The following EML6 variants were observed in gnomAD, a reference collection of about 807,000 sequenced individuals.
EML6 encodes echinoderm microtubule-associated protein-like 6.
A neutral mutation model predicts 240.1 loss-of-function variants in EML6; 154 were observed. That is an observed-to-expected ratio of 0.64 (90% CI 0.56 to 0.73). The LOEUF (loss-of-function observed/expected upper bound fraction) is 0.73. EML6 is among the 30% of genes least tolerant of loss of function. The pLI is 0.00. For synonymous variants in EML6, 1,148 were observed against 899.0 expected (o/e 1.28, Z -4.95); for missense variants, 2,964 against 2,474.6 (o/e 1.20, Z -4.20).
At chr2:54,931,420 A>G (rs1674858494) in intron 28 of EML6, among the ~76,000 whole-genome samples, 1 of 151,914 alleles carries the variant, frequency 6.6e-6, no homozygotes, top group African/African-American at 2.4e-5. Context: ...GGACCCATGG[A>G]CTCTAGCATC....
intron 41 of EML6, 30 bp downstream of exon 41, chr2:54,968,798 C>A: frequency 7.9e-7 from 1 of 1,261,156 alleles, no homozygotes; most frequent in Non-Finnish European, 1.1e-6. Flanking sequence ...AGTTCTTACT[C>A]CACAGGCCTG....
chr2:54,904,469 G>A (rs1343019958), intron 24 of EML6, among the ~76,000 whole-genome samples: 1 of 152,178 alleles, frequency 6.6e-6, no homozygotes, highest in Admixed American at 6.5e-5. Context: ...GTAATCCATG[G>A]AGCCTCTGTA....
At chr2:54,869,013 GC>G (rs1395368536) in intron 14 of EML6, 167 bp from the exon 15 acceptor site, 10 of 516,976 alleles carry the variant, frequency 1.9e-5, no homozygotes. Flanking sequence ...GTCATCTCAT[GC>G]CCTCAGACGG....
At chr2:54,854,157 A>G (rs1670244901) in intron 11 of EML6, among the ~76,000 whole-genome samples, 1 of 152,196 alleles carries the variant, frequency 6.6e-6, no homozygotes, top group Admixed American at 6.5e-5. Flanking sequence ...CATAGTTTAT[A>G]TATAGTCCGT....
intron 2 of EML6, among the ~76,000 whole-genome samples, chr2:54,797,984 C>T (rs997615514): frequency 2.0e-5 from 3 of 151,952 alleles, no homozygotes; most frequent in Non-Finnish European, 2.9e-5. Flanking sequence ...TTCTAGGACC[C>T]TTGTACTTCA....
intron 2 of EML6, among the ~76,000 whole-genome samples, chr2:54,796,733 A>T (rs1217266471): frequency 6.6e-6 from 1 of 152,156 alleles, no homozygotes; most frequent in African/African-American, 2.4e-5. Context: ...CAAAGCGCCT[A>T]CTTGGGAGAA....
At chr2:54,839,564 C>T (rs559645099) in intron 7 of EML6, among the ~76,000 whole-genome samples, 1 of 152,376 alleles carries the variant, frequency 6.6e-6, no homozygotes, top group Admixed American at 6.5e-5. Flanking sequence ...TTCTCTTGTT[C>T]TCTTCCCTTC....
In EML6 at chr2:54,724,621, A is replaced by T. The variant is rs978552875; in HGVS notation, c.-441A>T. 2.0e-5 allele frequency: 3 copies of T among 152,474 alleles called. No individual in the cohort carries two copies. The highest frequency in any genetic ancestry group is 4.4e-5 in the Non-Finnish European group (3 of 68,270). The allele number at this position is 152,474 out of a possible 1,614,324, so 9.4% of individuals were successfully genotyped here. ...TTGCCTGTCAAATCAAGGCTATCGC[A>T]GAATAAATCCCGCCGCCTGCCGCGA... is the stretch of plus-strand genomic sequence containing the variant. On this transcript the variant is annotated 5_prime_UTR_variant, in exon 2 of 42. Transcript: ENST00000356458. This position sits in a 1 kb window ranked among gnomAD's most constrained non-coding sequence, Gnocchi z 5.2.
chr2:54,771,720 A>C (rs1250602594), intron 2 of EML6, among the ~76,000 whole-genome samples: 1 of 152,370 alleles, frequency 6.6e-6, no homozygotes, highest in East Asian at 1.9e-4. Context: ...GTTGTCCGAT[A>C]ATCTGTTAAC....
intron 34 of EML6, 101 bp from the exon 35 acceptor site, chr2:54,960,119 G>C (rs920211337): frequency 1.0e-5 from 9 of 885,830 alleles, no homozygotes; most frequent in Non-Finnish European, 1.6e-5. Context: ...GGCCCCAACT[G>C]GCCAGAACCC....
chr2:54,924,948 A>G (rs1459579383), intron 26 of EML6, among the ~76,000 whole-genome samples: 1 of 152,020 alleles, frequency 6.6e-6, no homozygotes, highest in African/African-American at 2.4e-5. Flanking sequence ...TTCCAGCTGT[A>G]TAGTCACACT....
intron 21 of EML6, among the ~76,000 whole-genome samples, chr2:54,895,906 G>A (rs1381275536): frequency 6.6e-6 from 1 of 152,180 alleles, no homozygotes; most frequent in African/African-American, 2.4e-5. Context: ...GAAAAAAATA[G>A]ATACTACAAT....
chr2:54,865,427 G>T (rs1670921839), intron 13 of EML6, among the ~76,000 whole-genome samples: 1 of 152,148 alleles, frequency 6.6e-6, no homozygotes, highest in East Asian at 1.9e-4. Context: ...ACAAGCCACT[G>T]TACTCCAGTC....
chr2:54,924,282 C>T (rs989980425), intron 26 of EML6, among the ~76,000 whole-genome samples: 51 of 152,228 alleles, frequency 3.4e-4, no homozygotes, highest in African/African-American at 1.2e-3. Context: ...GCATAAAATT[C>T]AGCTGTCCAG....
chr2:54,799,350 C>T (rs577214229), intron 2 of EML6, among the ~76,000 whole-genome samples: 1 of 151,992 alleles, frequency 6.6e-6, no homozygotes, highest in South Asian at 2.1e-4. Flanking sequence ...CATGAGCCAC[C>T]ACGCCCAGCC....
intron 32 of EML6, among the ~76,000 whole-genome samples, chr2:54,957,338 T>G: frequency 9.0e-6 from 1 of 111,674 alleles, no homozygotes. Context: ...TTAAAGAAAA[T>G]GCAGGAGAAT....
chr2:54,846,919 T>C (rs1669789874), intron 8 of EML6, among the ~76,000 whole-genome samples: 1 of 125,224 alleles, frequency 8.0e-6, no homozygotes, highest in Admixed American at 9.5e-5. Context: ...TTGTATGAAG[T>C]AGTATTTTTT....
chr2:54,831,618 C>G (rs904087116), intron 7 of EML6, among the ~76,000 whole-genome samples: 3 of 152,258 alleles, frequency 2.0e-5, no homozygotes, highest in Non-Finnish European at 2.9e-5. Context: ...GCCTGCACCT[C>G]ATAGGATGTG....
intron 21 of EML6, among the ~76,000 whole-genome samples, chr2:54,898,026 C>T (rs1300269080): frequency 6.6e-6 from 1 of 152,088 alleles, no homozygotes; most frequent in East Asian, 1.9e-4. Context: ...TTGGAATAGA[C>T]TGCTTATTTT....
Sources: gnomAD v4.1 joint callset for allele counts (sites outside exome capture counted in the v4.1 genomes callset) on GRCh38, gnomAD v4.1.1 for gene constraint, Gnocchi (gnomAD v3.1) non-coding constraint, MANE v1.5 for transcripts, NCBI Gene and HGNC (gene_info 2026-07-23, HGNC 2026-07-21) for gene names.